The following TRABD2B variants were observed in gnomAD, a reference collection of about 807,000 sequenced individuals.
TRABD2B encodes the protein TraB domain containing 2B.
In TRABD2B, 14 loss-of-function variants were observed where a neutral mutation model predicts 40.1. The ratio of observed to expected loss-of-function variants is 0.35; its 90% CI spans 0.23 to 0.55. The LOEUF (loss-of-function observed/expected upper bound fraction) is 0.55, where lower values mean the gene tolerates loss of function less well. Ranked by LOEUF, TRABD2B falls within the 20% of genes least tolerant of loss-of-function variation. TRABD2B has a pLI of 0.90. For synonymous variants in TRABD2B, 263 were observed against 277.0 expected (o/e 0.95, Z 0.50); for missense variants, 541 against 648.6 (o/e 0.83, Z 1.80).
chr1:47,939,094 G>A lies in TRABD2B; in HGVS notation c.666+54940C>T, dbSNP rs570398306. 2.3e-4 allele frequency among the ~76,000 whole-genome samples: 35 copies of A among 152,216 alleles called. 1 individual carries two copies. Among genetic ancestry groups the A allele is most frequent in the Admixed American group, 1.5e-3 (23 of 15,288 alleles). Reference sequence around the variant, plus strand: ...TGATGAGGAAGAGAACGAGGATCACGGAGACCACATGGTGAGGAGCCTTGA... The same window carrying A: ...TGATGAGGAAGAGAACGAGGATCACAGAGACCACATGGTGAGGAGCCTTGA... On this transcript the variant is annotated intron_variant, in intron 2 of 6. Coordinates refer to ENST00000606738, the MANE Select transcript of TRABD2B (RefSeq NM_001194986.2).
chr1:47,837,706 G>A (rs564553018), intron 2 of TRABD2B, among the ~76,000 whole-genome samples: 2 of 152,248 alleles, frequency 1.3e-5, no homozygotes, highest in African/African-American at 2.4e-5. Context: ...AGTGATGAGC[G>A]GAAAATGATT....
At chr1:47,946,685 T>G (rs539684205) in intron 2 of TRABD2B, among the ~76,000 whole-genome samples, 1 of 152,332 alleles carries the variant, frequency 6.6e-6, no homozygotes, top group Admixed American at 6.5e-5. Context: ...CAAGGGGTTT[T>G]GGTCTATAGT....
rs543294132 is a variant in TRABD2B at position 47,869,342 on chromosome 1, AT to A, written c.667-67724del. Among the ~76,000 whole-genome samples, 288 of 152,296 alleles carry A rather than the reference AT, an allele frequency of 1.9e-3. 2 individuals carry two copies. Among genetic ancestry groups the A allele is most frequent in the African/African-American group, 6.6e-3 (274 of 41,552 alleles). On this transcript the variant is annotated intron_variant, in intron 2 of 6. Transcript: ENST00000606738. The stretch of plus-strand genomic sequence containing the variant: ...TGTTGAACCTAAGACAAATAAAAAT[AT>A]TTTCTGATTTCCAGCAATAGGTCTG...
intron 2 of TRABD2B, among the ~76,000 whole-genome samples, chr1:47,891,525 G>A (rs1035908168): frequency 1.8e-4 from 28 of 152,154 alleles, no homozygotes; most frequent in Non-Finnish European, 4.4e-5. Context: ...AGCCAGGCAC[G>A]GTGGTTCATG....
chr1:47,934,589 A>G (rs1393150107), intron 2 of TRABD2B, among the ~76,000 whole-genome samples: 1 of 152,078 alleles, frequency 6.6e-6, no homozygotes, highest in Non-Finnish European at 1.5e-5. Context: ...GTTGTAATTT[A>G]TTGTTTCTGC....
chr1:47,962,874 G>A (rs1407571868), intron 2 of TRABD2B, among the ~76,000 whole-genome samples: 1 of 152,136 alleles, frequency 6.6e-6, no homozygotes, highest in Non-Finnish European at 1.5e-5. Flanking sequence ...GCCATGTATT[G>A]AGCACAAGGC....
intron 6 of TRABD2B, among the ~76,000 whole-genome samples, chr1:47,769,594 C>T (rs1028479797): frequency 1.3e-5 from 2 of 152,226 alleles, no homozygotes; most frequent in African/African-American, 4.8e-5. Context: ...CTCAGTCCCC[C>T]AGTCCAGATC....
At chr1:47,917,444 G>C (rs1644844680) in intron 2 of TRABD2B, among the ~76,000 whole-genome samples, 1 of 152,222 alleles carries the variant, frequency 6.6e-6, no homozygotes. Context: ...TTCTTGGCCA[G>C]GTGCAGTGGC....
intron 3 of TRABD2B, among the ~76,000 whole-genome samples, chr1:47,795,243 G>GAAGC (rs1186707543): frequency 6.6e-6 from 1 of 152,198 alleles, no homozygotes; most frequent in African/African-American, 2.4e-5. Context: ...TTTTACAGAT[G>GAAGC]AAGCAAGCAA....
At chr1:47,940,063 C>T (rs771798039) in intron 2 of TRABD2B, among the ~76,000 whole-genome samples, 28 of 152,224 alleles carry the variant, frequency 1.8e-4, no homozygotes, top group Admixed American at 5.2e-4. Context: ...CCCTGATGCA[C>T]CCTTTATTAA....
chr1:47,844,273 AAG>A (rs2124496275), intron 2 of TRABD2B, among the ~76,000 whole-genome samples: 1 of 152,242 alleles, frequency 6.6e-6, no homozygotes, highest in Non-Finnish European at 1.5e-5. Flanking sequence ...CGGAGCCCAC[AAG>A]AGTCGTGTGT....
intron 2 of TRABD2B, among the ~76,000 whole-genome samples, chr1:47,984,578 C>T (rs1428630868): frequency 6.6e-6 from 1 of 152,230 alleles, no homozygotes; most frequent in Non-Finnish European, 1.5e-5. Context: ...TCTCTAGTAG[C>T]AGTCCATGCA....
chr1:47,894,631 T>G (rs1644492832), intron 2 of TRABD2B, among the ~76,000 whole-genome samples: 1 of 152,176 alleles, frequency 6.6e-6, no homozygotes, highest in African/African-American at 2.4e-5. Flanking sequence ...AGCAGGGCAC[T>G]GAATGCATTT....
chr1:47,838,102 G>C (rs1041210841), intron 2 of TRABD2B, among the ~76,000 whole-genome samples: 1 of 152,186 alleles, frequency 6.6e-6, no homozygotes, highest in African/African-American at 2.4e-5. Flanking sequence ...AGCACTCAAA[G>C]GAAGCAGTGT....
At chr1:47,853,003 T>G (rs1161572756) in intron 2 of TRABD2B, among the ~76,000 whole-genome samples, 23 of 144,430 alleles carry the variant, frequency 1.6e-4, no homozygotes, top group Admixed American at 4.1e-4. Context: ...CCAGGGCTGG[T>G]GGGGCAGGTA....
At chr1:47,851,726 C>A (rs1456338517) in intron 2 of TRABD2B, among the ~76,000 whole-genome samples, 4 of 152,168 alleles carry the variant, frequency 2.6e-5, no homozygotes. Context: ...TGTGTGTGTA[C>A]ATATCCCACA....
In TRABD2B at chr1:47,826,238, T is replaced by C. The variant is rs143469297; in HGVS notation, c.667-24619A>G. On this transcript the variant is annotated intron_variant, in intron 2 of 6. Coordinates refer to ENST00000606738, the MANE Select transcript of TRABD2B (RefSeq NM_001194986.2). The stretch of plus-strand genomic sequence containing the variant: ...TGTGGTCAAAGGAGAAATACCTATC[T>C]TTCTAGTTGAAAGGACATTTCTAAT... Among the ~76,000 whole-genome samples the C allele has an allele frequency of 1.3e-4, 20 of 152,302 alleles. 1 individual carries two copies. In the East Asian group the frequency reaches 3.9e-3, roughly 29 times the overall value.
chr1:47,817,212 C>T (rs1645045751), intron 2 of TRABD2B, among the ~76,000 whole-genome samples: 2 of 152,068 alleles, frequency 1.3e-5, no homozygotes, highest in South Asian at 4.2e-4. Context: ...CCATCCCCCC[C>T]AACACCCCTG....
chr1:47,935,647 GA>G (rs926916852), intron 2 of TRABD2B, among the ~76,000 whole-genome samples: 7 of 152,008 alleles, frequency 4.6e-5, no homozygotes, highest in Non-Finnish European at 1.0e-4. Flanking sequence ...AGGACTGCAG[GA>G]AAAAAACACT....
Sources: allele counts gnomAD v4.1 joint callset (sites outside exome capture counted in the v4.1 genomes callset), GRCh38; gene constraint gnomAD v4.1.1; transcripts MANE v1.5; gene names NCBI Gene and HGNC (gene_info 2026-07-23, HGNC 2026-07-21).